VWA2: variants seen among roughly 807,000 people sequenced by gnomAD.
VWA2 encodes the protein von Willebrand factor A domain-containing protein 2.
VWA2 carries 73 observed loss-of-function variants against 70.4 expected under a neutral mutation model. The ratio of observed to expected loss-of-function variants is 1.04; its 90% CI spans 0.86 to 1.26. The LOEUF (loss-of-function observed/expected upper bound fraction) is 1.26. Ranked by LOEUF, VWA2 falls within the 50% of genes most tolerant of loss-of-function variation. The probability of loss-of-function intolerance (pLI) is 0.00; values close to 1 mark genes in which losing one functional copy is unlikely to be tolerated. For missense variants in VWA2, 1,011 were observed against 998.5 expected (o/e 1.01, Z -0.17); for synonymous variants, 407 against 423.3 (o/e 0.96, Z 0.47).
chr10:114,246,489 G>A (rs1010066829), intron 1 of VWA2: 71 of 569,582 alleles, frequency 1.2e-4, no homozygotes, highest in Middle Eastern at 5.1e-4. Context: ...CAACAAGAGT[G>A]AAAGAAACTC....
At chr10:114,246,519 A>C (rs1161801325) in intron 1 of VWA2, 10 of 803,188 alleles carry the variant, frequency 1.2e-5, no homozygotes, top group Middle Eastern at 3.7e-4. Context: ...AAAAAAAAAA[A>C]AAAAAACGAG....
rs570510812 is a variant in VWA2, at chr10:114,246,505, C to CAAAAAAAAAAAAA, written c.-10-2191_-10-2179dup. The CAAAAAAAAAAAAA allele has an allele frequency of 2.1e-4, 81 of 384,944 alleles. 1 individual carries two copies. The highest frequency in any genetic ancestry group is 1.2e-3 in the African/African-American group (26 of 21,634). The allele number at this position is 384,944 out of a possible 1,614,324, so 23.8% of individuals were successfully genotyped here. A position where few individuals can be genotyped will look rare whatever the true frequency, so the allele number is the denominator to read the frequency against. On this transcript the variant is annotated intron_variant, in intron 1 of 13. Coordinates refer to ENST00000392982, the MANE Select transcript of VWA2 (RefSeq NM_001272046.2). ...AACAAGAGTGAAAGAAACTCCATCT[C>CAAAAAAAAAAAAA]AAAAAAAAAAAAAAAAAAAACGAGT...
Position 114,289,382 on chromosome 10 carries a change from G to GT in VWA2, c.2016dup (p.Glu673Ter). The stretch of plus-strand genomic sequence containing the variant: ...GTCGTGGGCGTGGGGCCTGTCCTAA[G>GT]TGAGGGTCTGCGGAGGCTTGCAGGT... On this transcript the variant is annotated frameshift_variant, in exon 12 of 14. Coordinates refer to ENST00000392982, the MANE Select transcript of VWA2 (RefSeq NM_001272046.2). LOFTEE classifies it high-confidence loss of function. The GT allele has an allele frequency of 6.2e-7, 1 of 1,613,264 alleles. No homozygotes were observed. Among genetic ancestry groups the GT allele is most frequent in the Non-Finnish European group, 8.5e-7 (1 of 1,179,156 alleles).
chr10:114,239,746 C>G (rs1472486614), intron 1 of VWA2, among the ~76,000 whole-genome samples, 177 bp downstream of exon 1: 2 of 152,230 alleles, frequency 1.3e-5, no homozygotes, highest in African/African-American at 4.8e-5. Context: ...CTGCGCGCAC[C>G]TGAGCGCGGC....
chr10:114,290,952 C>T (rs937570285), intron 13 of VWA2, among the ~76,000 whole-genome samples: 6 of 152,254 alleles, frequency 3.9e-5, no homozygotes, highest in African/African-American at 1.4e-4. Context: ...GGCTCCTGTT[C>T]ATGAGTTTGA....
chr10:114,279,393 C>T (rs1203254548), intron 8 of VWA2, among the ~76,000 whole-genome samples: 2 of 152,120 alleles, frequency 1.3e-5, no homozygotes, highest in Non-Finnish European at 1.5e-5. Flanking sequence ...CCATTCAGCA[C>T]CTCTGTCCGG....
intron 12 of VWA2, chr10:114,289,723 A>G (rs2039365197): frequency 1.8e-6 from 1 of 568,538 alleles, no homozygotes; most frequent in East Asian, 3.0e-5. Context: ...CTCCCCCCAA[A>G]CTTGAGAATT....
At chr10:114,290,028 C>A in intron 12 of VWA2, 2 of 486,160 alleles carry the variant, frequency 4.1e-6, no homozygotes, top group Non-Finnish European at 7.1e-6. Context: ...ATGTGTATGG[C>A]ACGTCTGAGC....
chr10:114,242,407 G>A (rs960553621), intron 1 of VWA2, among the ~76,000 whole-genome samples: 3 of 152,128 alleles, frequency 2.0e-5, no homozygotes, highest in Non-Finnish European at 2.9e-5. Flanking sequence ...TCTGTGTACC[G>A]CATGCCTCAT....
intron 8 of VWA2, chr10:114,280,780 C>T (rs2038048231): frequency 6.6e-6 from 1 of 152,120 alleles, no homozygotes; most frequent in African/African-American, 2.4e-5. Flanking sequence ...TGCTCTGTCA[C>T]CAGGATGGAG....
At chr10:114,257,882 A>C (rs981131584) in intron 4 of VWA2, among the ~76,000 whole-genome samples, 1 of 152,248 alleles carries the variant, frequency 6.6e-6, no homozygotes, top group African/African-American at 2.4e-5. Flanking sequence ...AGAAGGAGCC[A>C]GGACAGCCAG....
chr10:114,251,753 T>C (rs2037199968), intron 2 of VWA2, among the ~76,000 whole-genome samples: 1 of 149,298 alleles, frequency 6.7e-6, no homozygotes, highest in African/African-American at 2.5e-5. Flanking sequence ...CATTATGGGG[T>C]GGGCCGCAGT....
chr10:114,254,362 A>G (rs867361638), intron 3 of VWA2, among the ~76,000 whole-genome samples: 19 of 152,098 alleles, frequency 1.2e-4, no homozygotes, highest in African/African-American at 4.6e-4. Context: ...GTGAGCCACC[A>G]TGCCCAGCCT....
intron 5 of VWA2, among the ~76,000 whole-genome samples, chr10:114,270,891 A>G (rs1169444648): frequency 6.6e-6 from 1 of 152,184 alleles, no homozygotes; most frequent in Non-Finnish European, 1.5e-5. Flanking sequence ...TCCAGAACAC[A>G]GGTTACATTG....
chr10:114,245,642 T>G (rs1199329413), intron 1 of VWA2, among the ~76,000 whole-genome samples: 1 of 152,162 alleles, frequency 6.6e-6, no homozygotes, highest in Non-Finnish European at 1.5e-5. Flanking sequence ...AAATGAGTCT[T>G]TCTTGCTGGC....
intron 5 of VWA2, among the ~76,000 whole-genome samples, chr10:114,265,340 A>G (rs1367050464): frequency 2.0e-5 from 3 of 152,256 alleles, no homozygotes; most frequent in Non-Finnish European, 2.9e-5. Context: ...GTTTAAGTTT[A>G]GGGCTAAAAG....
intron 1 of VWA2, among the ~76,000 whole-genome samples, chr10:114,247,892 C>T (rs1269404995): frequency 6.6e-6 from 1 of 151,996 alleles, no homozygotes. Context: ...CACCATGGGG[C>T]AGGTGTGGCT....
intron 1 of VWA2, chr10:114,246,069 G>GCCCCCCCCCC: frequency 2.6e-6 from 1 of 391,374 alleles, no homozygotes; most frequent in Non-Finnish European, 4.8e-6. Context: ...ACCTGCCCCC[G>GCCCCCCCCCC]CCCCCCGCCC....
chr10:114,263,226 G>T (rs922456994), intron 5 of VWA2, among the ~76,000 whole-genome samples: 1 of 151,978 alleles, frequency 6.6e-6, no homozygotes, highest in Non-Finnish European at 1.5e-5. Context: ...TGTTGCCCAG[G>T]CTGGTCTTGA....
Sources: allele counts gnomAD v4.1 joint callset (sites outside exome capture counted in the v4.1 genomes callset), GRCh38; gene constraint gnomAD v4.1.1; transcripts MANE v1.5; gene names NCBI Gene and HGNC (gene_info 2026-07-23, HGNC 2026-07-21).